NUTM2E: variants seen among roughly 807,000 people sequenced by gnomAD.
NUTM2E encodes the protein family with sequence similarity 22, member E.
Under a neutral mutation model 26.1 loss-of-function variants are expected in NUTM2E, and 3 were observed. The observed-to-expected ratio is 0.12, with a 90% CI of 0.05 to 0.30. The LOEUF is 0.30. NUTM2E is among the 10% of genes least tolerant of loss of function. The pLI is 1.00. For missense variants in NUTM2E, 62 were observed against 381.3 expected, an observed-to-expected ratio of 0.16 and a Z score of 6.97; for synonymous variants, 13 against 157.5, an observed-to-expected ratio of 0.08 and a Z score of 6.87.
intron 1 of NUTM2E, among the ~76,000 whole-genome samples, chr10:79,827,795 G>GTTTTTTTTTTTTTTTTT (rs57414762): frequency 7.8e-6 from 1 of 127,736 alleles, no homozygotes; most frequent in African/African-American, 3.0e-5. Context: ...TTTTTTTTTT[G>GTTTTTTTTTTTTTTTTT]TTTTTTTTTT....
Position 79,849,062 on chromosome 10 carries a change from G to T in NUTM2E, c.1734+167G>T, listed in dbSNP as rs1318618287. On this transcript the variant is annotated intron_variant, in intron 8 of 9. Coordinates refer to ENST00000429984, the MANE Select transcript of NUTM2E (RefSeq NM_001355263.2). ...GTCTGTGTGTTTGTGTCTGTGGTTT[G>T]TTACTGTGTGTCTTTGTGTGTCTGT... Among the ~76,000 whole-genome samples the T allele has an allele frequency of 1.8e-5, 2 of 111,992 alleles. 1 individual carries two copies. Among genetic ancestry groups the T allele is most frequent in the Non-Finnish European group, 4.5e-5 (2 of 44,094 alleles). The allele number at this position is 111,992 out of a possible 152,430, so 73.5% of individuals were successfully genotyped here. A position where few individuals can be genotyped will look rare whatever the true frequency, so the allele number is the denominator to read the frequency against.
intron 1 of NUTM2E, among the ~76,000 whole-genome samples, chr10:79,837,507 G>A (rs1201076732): frequency 6.6e-6 from 1 of 152,156 alleles, no homozygotes; most frequent in Admixed American, 6.5e-5. Context: ...GGGGAGTAGT[G>A]AGGGGAAGCA....
Position 79,830,006 on chromosome 10 carries a change from A to G in NUTM2E, c.-2728+2649A>G, listed in dbSNP as rs1417372060. 3.3e-5 allele frequency among the ~76,000 whole-genome samples: 5 copies of G among 151,660 alleles called. 1 individual carries two copies. Among genetic ancestry groups the G allele is most frequent in the Admixed American group, 2.0e-4 (3 of 15,166 alleles). On this transcript the variant is annotated intron_variant, in intron 1 of 9. Transcript: ENST00000429984. ...CAGAATGAGCTTATCCAAAAGTAAGAAGAGGACTGGGGCATACCTTTTAAA... is the reference window on the plus strand; with the variant it reads ...CAGAATGAGCTTATCCAAAAGTAAGGAGAGGACTGGGGCATACCTTTTAAA...
intron 1 of NUTM2E, among the ~76,000 whole-genome samples, chr10:79,837,584 A>G (rs1333450881): frequency 9.2e-5 from 14 of 152,188 alleles, no homozygotes; most frequent in African/African-American, 3.1e-4. Context: ...GCTAGTGTCA[A>G]TGAGATCCAG....
chr10:79,832,875 G>GTA (rs926036437), intron 1 of NUTM2E, among the ~76,000 whole-genome samples: 3 of 151,756 alleles, frequency 2.0e-5, no homozygotes, highest in East Asian at 1.9e-4. Flanking sequence ...ATGTGTGTGT[G>GTA]TATGTGTGTG....
Position 79,838,763 on chromosome 10 carries a change from C to T in NUTM2E, c.-2449-17C>T, listed in dbSNP as rs555837637. On this transcript the variant is annotated splice_polypyrimidine_tract_variant and intron_variant, in intron 2 of 9. Transcript: ENST00000429984. Reference sequence around the variant, plus strand: ...AGGAGGTGATTACCTTCTGATCACCCTTGGCTTTATTTTTAGGTAACACCA... The same window carrying T: ...AGGAGGTGATTACCTTCTGATCACCTTTGGCTTTATTTTTAGGTAACACCA... 6.6e-6 allele frequency among the ~76,000 whole-genome samples: 1 copy of T among 152,064 alleles called. No homozygotes were observed. Among genetic ancestry groups the T allele is most frequent in the Non-Finnish European group, 1.5e-5 (1 of 67,942 alleles).
chr10:79,837,630 A>G (rs1841972175), intron 1 of NUTM2E, among the ~76,000 whole-genome samples: 1 of 152,048 alleles, frequency 6.6e-6, no homozygotes, highest in Non-Finnish European at 1.5e-5. Context: ...AAACAACAAC[A>G]AACACTTTGA....
intron 1 of NUTM2E, chr10:79,827,651 A>G (rs1250817068): frequency 6.6e-6 from 1 of 151,486 alleles, no homozygotes; most frequent in Admixed American, 6.6e-5. Flanking sequence ...TGCAGGGAAG[A>G]ATGGGAAAGT....
intron 1 of NUTM2E, among the ~76,000 whole-genome samples, chr10:79,832,627 C>G (rs1841934121): frequency 6.6e-6 from 1 of 151,634 alleles, no homozygotes; most frequent in South Asian, 2.1e-4. Context: ...ATGGGGGCCA[C>G]CTTTCTCCAG....
chr10:79,847,878 C>T (rs879149227), intron 6 of NUTM2E, 53 bp from the exon 7 acceptor site: 276 of 273,550 alleles, frequency 1.0e-3, no homozygotes, highest in Non-Finnish European at 1.8e-3. Context: ...CCTGGTCCTG[C>T]GGGGAGGGGG....
At chr10:79,827,783 GGTT>G (rs752247739) in intron 1 of NUTM2E, among the ~76,000 whole-genome samples, 4,139 of 117,188 alleles carry the variant, frequency 0.035, 133 homozygotes, top group Middle Eastern at 0.049. Flanking sequence ...ATTATTTAGT[GGTT>G]TTTTTTTTGT....
chr10:79,831,087 C>A (rs889864233), intron 1 of NUTM2E, among the ~76,000 whole-genome samples: 2 of 151,678 alleles, frequency 1.3e-5, no homozygotes, highest in Admixed American at 6.6e-5. Flanking sequence ...AAGCATGGAA[C>A]CTATGAGCCT....
intron 5 of NUTM2E, 35 bp downstream of exon 5, chr10:79,844,907 A>AGCTCACAC (rs1842014977): frequency 4.8e-6 from 1 of 210,348 alleles, no homozygotes; most frequent in Non-Finnish European, 1.1e-5. Context: ...CTGGTCCTGC[A>AGCTCACAC]GCTCACACGT....
Position 79,836,016 on chromosome 10 carries a change from C to CTT in NUTM2E, c.-2727-2293_-2727-2292insTT, listed in dbSNP as rs1235557148. Among the ~76,000 whole-genome samples the CTT allele has an allele frequency of 3.3e-5, 5 of 151,596 alleles. No individual in the cohort carries two copies. In the South Asian group the frequency reaches 8.4e-4, roughly 25 times the overall value. On this transcript the variant is annotated intron_variant, in intron 1 of 9. Coordinates refer to ENST00000429984, the MANE Select transcript of NUTM2E (RefSeq NM_001355263.2). ...TTCAAATTTTGATATTTCCAGAAGTCATAAGAGGATTCTTCTCTCACAGAT... is the reference window on the plus strand; with the variant it reads ...TTCAAATTTTGATATTTCCAGAAGTCTTATAAGAGGATTCTTCTCTCACAGAT...
chr10:79,834,952 TTATC>T (rs1459886017), intron 1 of NUTM2E, among the ~76,000 whole-genome samples: 6 of 151,778 alleles, frequency 4.0e-5, no homozygotes, highest in East Asian at 1.9e-4. Flanking sequence ...TCTCATCAAT[TTATC>T]TATTATCTGT....
chr10:79,832,298 A>G (rs188464842), intron 1 of NUTM2E, among the ~76,000 whole-genome samples: 1 of 151,550 alleles, frequency 6.6e-6, no homozygotes, highest in East Asian at 1.9e-4. Flanking sequence ...TATCTGGGAG[A>G]TGTCTATGTG....
At chr10:79,834,623 A>G (rs1249263886) in intron 1 of NUTM2E, among the ~76,000 whole-genome samples, 4 of 150,590 alleles carry the variant, frequency 2.7e-5, no homozygotes, top group South Asian at 2.1e-4. Flanking sequence ...AGCCCAGATC[A>G]CGCCACCATA....
chr10:79,831,178 C>A (rs1327817425), intron 1 of NUTM2E, among the ~76,000 whole-genome samples: 2 of 151,776 alleles, frequency 1.3e-5, no homozygotes, highest in Admixed American at 1.3e-4. Context: ...TAAGTGAATT[C>A]TCCAAACCCA....
At chr10:79,831,064 T>G (rs995634207) in intron 1 of NUTM2E, among the ~76,000 whole-genome samples, 6 of 151,818 alleles carry the variant, frequency 4.0e-5, no homozygotes, top group Admixed American at 3.9e-4. Context: ...TTTTTCAAAA[T>G]TATTTTCCCT....
Sources: gnomAD v4.1 joint callset for allele counts (sites outside exome capture counted in the v4.1 genomes callset) on GRCh38, gnomAD v4.1.1 for gene constraint, MANE v1.5 for transcripts, NCBI Gene and HGNC (gene_info 2026-07-23, HGNC 2026-07-21) for gene names.